ENOSF1: variants seen among roughly 807,000 people sequenced by gnomAD.
ENOSF1 encodes mitochondrial enolase superfamily member 1.
In ENOSF1, 73 loss-of-function variants were observed where a neutral mutation model predicts 68.2. The observed-to-expected ratio is 1.07, with a 90% confidence interval of 0.89 to 1.30. ENOSF1 has a LOEUF of 1.30. Ranked by LOEUF, ENOSF1 falls within the 50% of genes most tolerant of loss-of-function variation. ENOSF1 has a pLI of 0.00. For synonymous variants in ENOSF1, 223 were observed against 210.4 expected (o/e 1.06, Z -0.52); for missense variants, 589 against 554.5 (o/e 1.06, Z -0.62).
At position 712,316 on chromosome 18, in the gene ENOSF1, C is replaced by G. The variant is rs1568161926; in HGVS notation, c.84+188G>C. 2.7e-6 allele frequency: 4 copies of G among 1,477,158 alleles called. 2 individuals carry two copies. Among genetic ancestry groups the G allele is most frequent in the East Asian group, 5.2e-5 (2 of 38,252 alleles). 91.5% of individuals were successfully genotyped at this position (1,477,158 alleles called of 1,614,324 possible). On this transcript the variant is annotated intron_variant, in intron 1 of 15. Coordinates refer to ENST00000647584, the MANE Select transcript of ENOSF1 (RefSeq NM_017512.7). ...AAGCTGCCCGGGGCCCGCAGAGCTG[C>G]AGTCGGCGGGGCGGGAGGGACCCGG...
At chr18:702,677 C>T (rs990642270) in intron 2 of ENOSF1, among the ~76,000 whole-genome samples, 2 of 151,060 alleles carry the variant, frequency 1.3e-5, no homozygotes, top group African/African-American at 4.9e-5. Context: ...AAGGTCAAGG[C>T]TGTATGAGCC....
chr18:678,958 C>T lies in ENOSF1; in HGVS notation c.877-221G>A, dbSNP rs574389691. On this transcript the variant is annotated intron_variant, in intron 11 of 15. Transcript: ENST00000647584. Reference sequence around the variant, plus strand: ...ACTGCTGAGCTGCCACCACCAGCCCCGTTCCTGACCAGGGCTCTGCAGATC... The same window carrying T: ...ACTGCTGAGCTGCCACCACCAGCCCTGTTCCTGACCAGGGCTCTGCAGATC... 5.3e-5 allele frequency among the ~76,000 whole-genome samples: 8 copies of T among 152,292 alleles called. No homozygotes were observed. In the South Asian group the frequency reaches 1.2e-3, roughly 24 times the overall value.
intron 2 of ENOSF1, among the ~76,000 whole-genome samples, chr18:703,520 G>A (rs1410529047): frequency 6.6e-6 from 1 of 152,198 alleles, no homozygotes; most frequent in Non-Finnish European, 1.5e-5. Flanking sequence ...TGCAGAAGAA[G>A]CAGAAACAGC....
At chr18:667,919 TG>T (rs2144325236), downstream of ENOSF1, among the ~76,000 whole-genome samples, 1 of 152,012 alleles carries the variant, frequency 6.6e-6, no homozygotes, top group African/African-American at 2.4e-5. Flanking sequence ...GTGGTATGAA[TG>T]CTTAGCTGTT....
chr18:698,188 T>C (rs967644803), intron 2 of ENOSF1, among the ~76,000 whole-genome samples: 9 of 152,206 alleles, frequency 5.9e-5, no homozygotes, highest in Non-Finnish European at 1.0e-4. Context: ...AGAGAACACA[T>C]TGTGATTGGC....
chr18:676,023 GAAC>G (rs1317726993), intron 14 of ENOSF1, among the ~76,000 whole-genome samples: 2 of 152,168 alleles, frequency 1.3e-5, no homozygotes, highest in African/African-American at 4.8e-5. Flanking sequence ...CCCAGATGCA[GAAC>G]AATAAAATAC....
At chr18:704,600 T>C (rs1007172039) in intron 2 of ENOSF1, among the ~76,000 whole-genome samples, 4 of 143,604 alleles carry the variant, frequency 2.8e-5, no homozygotes, top group Admixed American at 1.5e-4. Flanking sequence ...TTCTGTCTTC[T>C]GTATCTTTTT....
Position 686,212 on chromosome 18 carries a change from C to G in ENOSF1, c.654-204G>C, listed in dbSNP as rs1328178640. The G allele has an allele frequency of 1.5e-5, 8 of 530,216 alleles. No individual in the cohort carries two copies. The Admixed American group carries it at 2.7e-4, about 18-fold the overall frequency. 32.8% of individuals were successfully genotyped at this position (530,216 alleles called of 1,614,324 possible). Reference sequence around the variant, plus strand: ...TTCATTCAGTATCAGGGCAATGACTCTCAATTATCTGCTGACCTGGAGTTA... The same window carrying G: ...TTCATTCAGTATCAGGGCAATGACTGTCAATTATCTGCTGACCTGGAGTTA... On this transcript the variant is annotated intron_variant, in intron 9 of 15. Transcript: ENST00000647584.
intron 9 of ENOSF1, 91 bp from the exon 10 acceptor site, chr18:686,099 A>G: frequency 1.1e-6 from 1 of 872,414 alleles, no homozygotes; most frequent in Non-Finnish European, 2.0e-6. Context: ...GTCTCTGTCA[A>G]CAATTCACAG....
At chr18:685,576 A>C (rs560547565) in intron 10 of ENOSF1, among the ~76,000 whole-genome samples, 10 of 152,316 alleles carry the variant, frequency 6.6e-5, no homozygotes, top group Admixed American at 2.0e-4. Flanking sequence ...ACATTTCTTC[A>C]GTAATGGCCC....
rs1427049259 is a variant in ENOSF1 at position 674,362 on chromosome 18, T to C, written c.1275A>G (p.Lys425=). 1.2e-6 allele frequency: 2 copies of C among 1,612,986 alleles called. No homozygotes were observed. Among genetic ancestry groups the C allele is most frequent in the East Asian group, 4.5e-5 (2 of 44,806 alleles). The stretch of plus-strand genomic sequence containing the variant: ...AAACTTCACCATCTGGATACTGGTG[T>C]TTCTTTACAGATTCCTCCTTCATTT... ...STEMKEESVK[K]HQYPDGEVWK... The change falls in exon 16 of 16, where the codon AAA becomes AAG. Residue 425 remains lysine, a synonymous_variant. Transcript: ENST00000647584.
At chr18:674,460 G>T (rs963132619) in intron 15 of ENOSF1, 54 bp from the exon 16 acceptor site, 8 of 1,107,492 alleles carry the variant, frequency 7.2e-6, no homozygotes, top group Non-Finnish European at 1.1e-5. Context: ...AACAAAAACA[G>T]ATTTTATGCA....
intron 13 of ENOSF1, 148 bp downstream of exon 13, chr18:677,595 A>C: frequency 7.7e-7 from 1 of 1,303,550 alleles, no homozygotes; most frequent in South Asian, 1.5e-5. Context: ...ATCATCAAAA[A>C]TTCCCGGATT....
Position 671,357 on chromosome 18 carries a change from T to C in ENOSF1, c.*2948A>G. 1 of 1,509,458 alleles carries C rather than the reference T, an allele frequency of 6.6e-7. No individual in the cohort carries two copies. Among genetic ancestry groups the C allele is most frequent in the Non-Finnish European group, 9.2e-7 (1 of 1,084,556 alleles). The allele number at this position is 1,509,458 out of a possible 1,614,324, so 93.5% of individuals were successfully genotyped here. A position where few individuals can be genotyped will look rare whatever the true frequency, so the allele number is the denominator to read the frequency against. Reference sequence around the variant, plus strand: ...AAGAATTGAAACTAACATACTGTTCTGCTTTCTCCCCCGGGTTTATAGCCA... The same window carrying C: ...AAGAATTGAAACTAACATACTGTTCCGCTTTCTCCCCCGGGTTTATAGCCA... On this transcript the variant is annotated 3_prime_UTR_variant, in exon 16 of 16. Coordinates refer to ENST00000647584, the MANE Select transcript of ENOSF1 (RefSeq NM_017512.7).
Position 672,982 on chromosome 18 carries a change from G to T in ENOSF1, c.*1323C>A. Reference sequence around the variant, plus strand: ...ACAATCCGCATCCAACTATTAAAATGGAAATGGCTGTTTAGGGTGCTTTCA... The same window carrying T: ...ACAATCCGCATCCAACTATTAAAATTGAAATGGCTGTTTAGGGTGCTTTCA... On this transcript the variant is annotated 3_prime_UTR_variant, in exon 16 of 16. Transcript: ENST00000647584. 6.4e-7 allele frequency: 1 copy of T among 1,568,654 alleles called. No individual in the cohort carries two copies. Among genetic ancestry groups the T allele is most frequent in the Non-Finnish European group, 8.7e-7 (1 of 1,145,350 alleles).
At chr18:667,675 C>G (rs1289948932), downstream of ENOSF1, 1 of 152,018 alleles carries the variant, frequency 6.6e-6, no homozygotes, top group Non-Finnish European at 1.5e-5. Context: ...GAATTGCACA[C>G]AAAAATGGCA....
rs1035498513 is a variant in ENOSF1 at position 674,129 on chromosome 18, T to A, written c.*176A>T. ...TAAGGATTAAGTAGGATAACGTGCA[T>A]TGATTTGCTAAAAGAATCAAGTAAT... On this transcript the variant is annotated 3_prime_UTR_variant, in exon 16 of 16. Coordinates refer to ENST00000647584, the MANE Select transcript of ENOSF1 (RefSeq NM_017512.7). The A allele has an allele frequency of 3.2e-5, 18 of 569,336 alleles. No homozygotes were observed. The highest frequency in any genetic ancestry group is 9.3e-6 in the Non-Finnish European group (3 of 322,334). 35.3% of individuals were successfully genotyped at this position (569,336 alleles called of 1,614,324 possible).
intron 13 of ENOSF1, 109 bp from the exon 14 acceptor site, chr18:677,553 T>C (rs1247363280): frequency 8.1e-7 from 1 of 1,236,434 alleles, no homozygotes; most frequent in African/African-American, 1.5e-5. Flanking sequence ...AAATCATTTA[T>C]TAATATTTAG....
downstream of ENOSF1, chr18:669,306 G>A (rs549946502): frequency 7.7e-5 from 49 of 633,228 alleles, no homozygotes; most frequent in Admixed American, 4.0e-4. Context: ...ATTGTGTGAC[G>A]TTGGGCAAGT....
Sources: gnomAD v4.1 joint callset for allele counts (sites outside exome capture counted in the v4.1 genomes callset) on GRCh38, gnomAD v4.1.1 for gene constraint, MANE v1.5 for transcripts, NCBI Gene and HGNC (gene_info 2026-07-23, HGNC 2026-07-21) for gene names.